The following EVC2 variants were observed in gnomAD, a reference collection of about 807,000 sequenced individuals.
The protein encoded by EVC2 is EvC ciliary complex subunit 2.
A neutral mutation model predicts 149.3 loss-of-function variants in EVC2; 148 were observed. The ratio of observed to expected loss-of-function variants is 0.99; its 90% CI spans 0.87 to 1.14. EVC2 has a LOEUF of 1.14. Among genes scored for constraint, EVC2 ranks in the 50% most tolerant of loss-of-function variants. The pLI, the probability that EVC2 is intolerant of heterozygous loss-of-function variation, is 0.00. For synonymous variants in EVC2, 776 were observed against 649.9 expected (o/e 1.19, Z -2.95); for missense variants, 1,854 against 1,627.3 (o/e 1.14, Z -2.40).
chr4:5,607,219 CGT>C, intron 16 of EVC2, among the ~76,000 whole-genome samples: 1 of 151,934 alleles, frequency 6.6e-6, no homozygotes, highest in African/African-American at 2.4e-5. Flanking sequence ...AAACTGGGAC[CGT>C]CTCAAGCAAA....
chr4:5,558,670 T>G (rs1721884209), downstream of EVC2, among the ~76,000 whole-genome samples: 1 of 152,212 alleles, frequency 6.6e-6, no homozygotes, highest in African/African-American at 2.4e-5. Context: ...GAAACAACTT[T>G]ACTGAAAAGG....
intron 16 of EVC2, among the ~76,000 whole-genome samples, chr4:5,597,300 T>C (rs1223055973): frequency 1.3e-5 from 2 of 152,178 alleles, no homozygotes; most frequent in Admixed American, 1.3e-4. Flanking sequence ...TTGATGAACA[T>C]TGATGCAAAA....
rs945746689 is a variant in EVC2 at position 5,640,169 on chromosome 4, G to A, written c.1470+345C>T. Among the ~76,000 whole-genome samples, 49 of 152,174 alleles carry A rather than the reference G, an allele frequency of 3.2e-4. No homozygotes were observed. The highest frequency in any genetic ancestry group is 1.2e-3 in the African/African-American group (49 of 41,522). ...TGGGTGATGGGTGGCATGGATGGGAGGGTGGATAAATGAGTAGGTGGATGA... is the reference window on the plus strand; with the variant it reads ...TGGGTGATGGGTGGCATGGATGGGAAGGTGGATAAATGAGTAGGTGGATGA... On this transcript the variant is annotated intron_variant, in intron 10 of 21. Transcript: ENST00000344408. The surrounding 1 kb of genome is among the most constrained non-coding windows in gnomAD (Gnocchi z 4.6).
chr4:5,563,166 T>G (rs1247775472), intron 21 of EVC2, 51 bp from the exon 22 acceptor site: 2 of 1,551,962 alleles, frequency 1.3e-6, no homozygotes, highest in African/African-American at 2.7e-5. Context: ...ATGAACCCTC[T>G]GGAGTGTTCT....
chr4:5,628,697 C>A lies in EVC2; in HGVS notation c.1748G>T (p.Ser583Ile). 1 of 1,613,558 alleles carries A rather than the reference C, an allele frequency of 6.2e-7. No homozygotes were observed. Among genetic ancestry groups the A allele is most frequent in the Non-Finnish European group, 8.5e-7 (1 of 1,179,956 alleles). Residue 583 changes from serine to isoleucine, a missense_variant, in exon 12 of 22, where the codon AGT becomes ATT. Physicochemically the swap from Ser to Ile is moderately radical, Grantham distance 142 (BLOSUM62 -2). Transcript: ENST00000344408. ...VEELMDFFQA[S>I]KRYHLSKRFG... ...TCTTTTACTTAGATGATACCTCTTA[C>A]TAGCCTGGAAAAAGTCCATTAACTC...
In EVC2 at chr4:5,625,829, A is replaced by G. The variant is rs1321781935; in HGVS notation, c.1966T>C (p.Leu656=). 2 of 1,614,026 alleles carry G rather than the reference A, an allele frequency of 1.2e-6. No individual in the cohort carries two copies. The highest frequency in any genetic ancestry group is 1.3e-5 in the African/African-American group (1 of 74,990). The part of the protein sequence containing the change: ...QTEVFSIKQK[L]DNDLKQEKKK... ...TTTTCCTGCTTTAAGTCATTGTCCA[A>G]CTTCTGCTTGATTGAAAAGACTTCT... is the stretch of plus-strand genomic sequence containing the variant. The change falls in exon 13 of 22, where the codon TTG becomes CTG. Residue 656 remains leucine, a synonymous_variant. Transcript: ENST00000344408. This position sits in a 1 kb window ranked among gnomAD's most constrained non-coding sequence, Gnocchi z 4.0.
intron 7 of EVC2, among the ~76,000 whole-genome samples, chr4:5,668,687 T>C: frequency 6.6e-6 from 1 of 152,252 alleles, no homozygotes; most frequent in Non-Finnish European, 1.5e-5. Flanking sequence ...TCAAGATTTT[T>C]AATCCCCTTT....
At chr4:5,650,912 G>T (rs74906455) in intron 9 of EVC2, among the ~76,000 whole-genome samples, 7,719 of 152,146 alleles carry the variant, frequency 0.051, 223 homozygotes, top group Middle Eastern at 0.088. Context: ...CAGAACAGAT[G>T]CTGGAAAATG....
chr4:5,706,233 T>C lies in EVC2; in HGVS notation c.228+2053A>G, dbSNP rs982416246. 5.9e-5 allele frequency among the ~76,000 whole-genome samples: 9 copies of C among 151,556 alleles called. No homozygotes were observed. In the East Asian group the frequency reaches 1.8e-3, roughly 30 times the overall value. On this transcript the variant is annotated intron_variant, in intron 1 of 21. Coordinates refer to ENST00000344408, the MANE Select transcript of EVC2 (RefSeq NM_147127.5). ...TCCTCACAGCAATCACTGTGTGCAA[T>C]TAGGCATTGGTCTCCCAGCCCCCTG... is the stretch of plus-strand genomic sequence containing the variant.
intron 1 of EVC2, among the ~76,000 whole-genome samples, chr4:5,705,446 ACT>A (rs1374006125): frequency 1.3e-5 from 2 of 152,146 alleles, no homozygotes; most frequent in South Asian, 2.1e-4. Flanking sequence ...ATCAACATTT[ACT>A]CTCTTTAAAT....
chr4:5,649,157 A>G (rs1478815473), intron 9 of EVC2, among the ~76,000 whole-genome samples: 1 of 152,174 alleles, frequency 6.6e-6, no homozygotes, highest in East Asian at 1.9e-4. Context: ...TACTACCTCA[A>G]CAGCTCGGCA....
chr4:5,595,812 T>C (rs1400639722), intron 16 of EVC2, among the ~76,000 whole-genome samples: 3 of 152,154 alleles, frequency 2.0e-5, no homozygotes, highest in African/African-American at 4.8e-5. Context: ...GTGTGCTGTA[T>C]TCAGGAAACC....
chr4:5,592,538 AAAT>A (rs1402127049), intron 16 of EVC2, among the ~76,000 whole-genome samples: 1 of 152,220 alleles, frequency 6.6e-6, no homozygotes, highest in Non-Finnish European at 1.5e-5. Flanking sequence ...TGCCTCTTTA[AAAT>A]AATAATTGGT....
At chr4:5,646,999 T>C (rs919575189) in intron 9 of EVC2, among the ~76,000 whole-genome samples, 9 of 152,114 alleles carry the variant, frequency 5.9e-5, no homozygotes, top group Non-Finnish European at 1.2e-4. Flanking sequence ...TGTCTGTGAG[T>C]TGTTACAAGA....
rs1263412688 is a variant in EVC2, at chr4:5,689,151, T to C, written c.706+6A>G. 1 of 1,614,108 alleles carries C rather than the reference T, an allele frequency of 6.2e-7. No homozygotes were observed. Among genetic ancestry groups the C allele is most frequent in the Non-Finnish European group, 8.5e-7 (1 of 1,180,030 alleles). ...CATCCCTGACTTCAGAACGCTTTGC[T>C]GTTACCTTGCAGAAACTTCTTGCTA... On this transcript the variant is annotated splice_donor_region_variant and intron_variant, in intron 5 of 21. Coordinates refer to ENST00000344408, the MANE Select transcript of EVC2 (RefSeq NM_147127.5).
Position 5,565,086 on chromosome 4 carries a change from C to G in EVC2, c.3659+172G>C, listed in dbSNP as rs1577095513. On this transcript the variant is annotated intron_variant, in intron 21 of 21. Coordinates refer to ENST00000344408, the MANE Select transcript of EVC2 (RefSeq NM_147127.5). ...CTCTCACTGCTAGCCACAAGCTCAT[C>G]TTCAGCTTCTAAACTCAGCCCACTG... 2.0e-5 allele frequency among the ~76,000 whole-genome samples: 3 copies of G among 152,348 alleles called. No homozygotes were observed. The East Asian group carries it at 5.8e-4, about 29-fold the overall frequency.
intron 9 of EVC2, among the ~76,000 whole-genome samples, chr4:5,648,028 T>G (rs1191157159): frequency 6.6e-6 from 1 of 152,202 alleles, no homozygotes. Context: ...CGTCTTTTTT[T>G]TTAATTGACA....
rs758111384 is a variant in EVC2 at position 5,622,763 on chromosome 4, T to C, written c.2275A>G (p.Met759Val). 4 of 1,614,074 alleles carry C rather than the reference T, an allele frequency of 2.5e-6. No homozygotes were observed. The highest frequency in any genetic ancestry group is 3.4e-6 in the Non-Finnish European group (4 of 1,180,020). The part of the protein sequence containing the change: ...DELRRLQNSA[M>V]TQELLKRGVP... ...CCACGCTTGAGCAGCTCCTGGGTCATGGCTGAGTTCTGCAGGCGCCGCAGC... is the reference window on the plus strand; with the variant it reads ...CCACGCTTGAGCAGCTCCTGGGTCACGGCTGAGTTCTGCAGGCGCCGCAGC... Residue 759 changes from methionine to valine, a missense_variant, in exon 14 of 22, where the codon ATG (methionine) becomes GTG (valine). Physicochemically the swap from Met to Val is conservative, Grantham distance 21. Coordinates refer to ENST00000344408, the MANE Select transcript of EVC2 (RefSeq NM_147127.5). This position sits in a 1 kb window ranked among gnomAD's most constrained non-coding sequence, Gnocchi z 5.8.
chr4:5,592,227 C>T (rs1380001176), intron 16 of EVC2, among the ~76,000 whole-genome samples: 1 of 152,184 alleles, frequency 6.6e-6, no homozygotes, highest in Non-Finnish European at 1.5e-5. Flanking sequence ...CCAAATTCAT[C>T]ACTTAAAAAA....
Sources: allele counts gnomAD v4.1 joint callset (sites outside exome capture counted in the v4.1 genomes callset), GRCh38; gene constraint gnomAD v4.1.1; non-coding constraint Gnocchi (gnomAD v3.1); transcripts MANE v1.5; gene names NCBI Gene and HGNC (gene_info 2026-07-23, HGNC 2026-07-21).